Variants in LRRC1 observed in about 807,000 individuals in gnomAD.
LRRC1 encodes leucine-rich repeat-containing protein 1.
LRRC1 carries 28 observed loss-of-function variants against 69.9 expected under a neutral mutation model. The observed-to-expected ratio is 0.40, with a 90% CI of 0.30 to 0.55. The LOEUF (loss-of-function observed/expected upper bound fraction) is 0.55. LRRC1 is among the 20% of genes least tolerant of loss of function. The probability of loss-of-function intolerance (pLI) is 0.47; values close to 1 mark genes in which losing one functional copy is unlikely to be tolerated. For missense variants in LRRC1, 498 were observed against 609.0 expected (o/e 0.82, Z 1.92); for synonymous variants, 236 against 240.2 (o/e 0.98, Z 0.16).
At chr6:53,833,026 A>G (rs905016162) in intron 1 of LRRC1, among the ~76,000 whole-genome samples, 1 of 151,848 alleles carries the variant, frequency 6.6e-6, no homozygotes, top group African/African-American at 2.4e-5. Flanking sequence ...TCATTCCCCT[A>G]TTGTTAGTTT....
intron 1 of LRRC1, among the ~76,000 whole-genome samples, chr6:53,827,018 C>T (rs1158074450): frequency 1.3e-5 from 2 of 152,126 alleles, no homozygotes; most frequent in Non-Finnish European, 2.9e-5. Context: ...CCACTGTTTC[C>T]AAAACCTGGC....
intron 1 of LRRC1, among the ~76,000 whole-genome samples, chr6:53,825,028 C>T (rs1223805612): frequency 6.6e-6 from 1 of 152,196 alleles, no homozygotes; most frequent in Non-Finnish European, 1.5e-5. Flanking sequence ...ACTACATATT[C>T]AAAGGACATT....
Position 53,923,745 on chromosome 6 carries a change from A to AC in LRRC1, c.*953dup, listed in dbSNP as rs1470519803. 4 of 152,668 alleles carry AC rather than the reference A, an allele frequency of 2.6e-5. No individual in the cohort carries two copies. The highest frequency in any genetic ancestry group is 9.6e-5 in the African/African-American group (4 of 41,454). The allele number at this position is 152,668 out of a possible 1,614,324, so 9.5% of individuals were successfully genotyped here. A position where few individuals can be genotyped will look rare whatever the true frequency, so the allele number is the denominator to read the frequency against. ...ACACAAAAAGAGAACACTGGTTCAGACATTCAGTGGGCAAGTAAATTATGG... is the reference window on the plus strand; with the variant it reads ...ACACAAAAAGAGAACACTGGTTCAGACCATTCAGTGGGCAAGTAAATTATGG... On this transcript the variant is annotated 3_prime_UTR_variant, in exon 14 of 14. Coordinates refer to ENST00000370888, the MANE Select transcript of LRRC1 (RefSeq NM_018214.5).
At chr6:53,864,274 T>C (rs1028134720) in intron 2 of LRRC1, among the ~76,000 whole-genome samples, 5 of 152,088 alleles carry the variant, frequency 3.3e-5, no homozygotes, top group African/African-American at 1.2e-4. Context: ...TAACAGCAGG[T>C]TCACTTCCCG....
intron 4 of LRRC1, among the ~76,000 whole-genome samples, chr6:53,889,155 A>T (rs935226957): frequency 6.6e-6 from 1 of 152,204 alleles, no homozygotes; most frequent in Non-Finnish European, 1.5e-5. Flanking sequence ...CCACAATGAG[A>T]TGCTACTTTA....
chr6:53,921,262 C>G (rs1217311772), intron 13 of LRRC1, among the ~76,000 whole-genome samples: 1 of 152,200 alleles, frequency 6.6e-6, no homozygotes, highest in Non-Finnish European at 1.5e-5. Context: ...GCCACTGTGC[C>G]CGGCCTGTTA....
intron 2 of LRRC1, among the ~76,000 whole-genome samples, chr6:53,845,233 C>T (rs1765906458): frequency 1.3e-5 from 2 of 152,090 alleles, no homozygotes; most frequent in Admixed American, 1.3e-4. Context: ...CGAATCTGTG[C>T]AGGTGACAGA....
intron 13 of LRRC1, 132 bp downstream of exon 13, chr6:53,920,893 A>G: frequency 1.0e-6 from 1 of 984,734 alleles, no homozygotes; most frequent in Non-Finnish European, 1.5e-6. Flanking sequence ...GAATTTTTTT[A>G]GAAGACAAAG....
intron 2 of LRRC1, among the ~76,000 whole-genome samples, chr6:53,874,663 C>T (rs1767008301): frequency 6.6e-6 from 1 of 152,156 alleles, no homozygotes; most frequent in African/African-American, 2.4e-5. Flanking sequence ...TTTTCCCTAT[C>T]ACCCACAATT....
rs540598326 is a variant in LRRC1 at position 53,878,106 on chromosome 6, C to T, written c.278-887C>T. Among the ~76,000 whole-genome samples the T allele has an allele frequency of 3.3e-5, 5 of 152,218 alleles. No homozygotes were observed. The East Asian group carries it at 9.7e-4, about 29-fold the overall frequency. The stretch of plus-strand genomic sequence containing the variant: ...AAGAGAGCTTGTGCAGGAAAACTCC[C>T]CCTTATAATAACCATCAGGTCTCGT... On this transcript the variant is annotated intron_variant, in intron 2 of 13. Transcript: ENST00000370888.
intron 1 of LRRC1, among the ~76,000 whole-genome samples, chr6:53,840,166 AG>A (rs1242775697): frequency 7.9e-5 from 12 of 152,216 alleles, no homozygotes; most frequent in Admixed American, 2.0e-4. Flanking sequence ...GTCCTGAGAA[AG>A]GTGCAAGGAA....
At chr6:53,878,448 G>A (rs759318176) in intron 2 of LRRC1, among the ~76,000 whole-genome samples, 3 of 152,228 alleles carry the variant, frequency 2.0e-5, no homozygotes, top group Non-Finnish European at 4.4e-5. Context: ...AGTCCCATCT[G>A]GGGGTGATGG....
chr6:53,923,661 G>A lies in LRRC1; in HGVS notation c.*868G>A, dbSNP rs1437500738. ...ATAAGTCTCTCATAATGAGTGCAGT[G>A]TCAGACTGTGCCTACTCTGATGGTA... is the stretch of plus-strand genomic sequence containing the variant. On this transcript the variant is annotated 3_prime_UTR_variant, in exon 14 of 14. Coordinates refer to ENST00000370888, the MANE Select transcript of LRRC1 (RefSeq NM_018214.5). 6.6e-6 allele frequency: 1 copy of A among 152,540 alleles called. No individual in the cohort carries two copies. The highest frequency in any genetic ancestry group is 1.5e-5 in the Non-Finnish European group (1 of 68,030). The allele number at this position is 152,540 out of a possible 1,614,324, so 9.4% of individuals were successfully genotyped here.
chr6:53,829,413 T>G (rs1765367998), intron 1 of LRRC1, among the ~76,000 whole-genome samples: 1 of 152,308 alleles, frequency 6.6e-6, no homozygotes, highest in South Asian at 2.1e-4. Context: ...GTTTTTGAAA[T>G]TAGACTTTGA....
chr6:53,848,205 G>T (rs1239626180), intron 2 of LRRC1, among the ~76,000 whole-genome samples: 1 of 152,196 alleles, frequency 6.6e-6, no homozygotes, highest in African/African-American at 2.4e-5. Context: ...CCCAAAGCTT[G>T]CATTCTTGCT....
intron 2 of LRRC1, among the ~76,000 whole-genome samples, chr6:53,858,106 G>A (rs969930874): frequency 2.0e-5 from 3 of 152,152 alleles, no homozygotes; most frequent in Admixed American, 2.0e-4. Context: ...CTGGAGTCTG[G>A]TCGTTGGCCA....
intron 1 of LRRC1, among the ~76,000 whole-genome samples, chr6:53,840,170 G>A (rs538198320): frequency 5.9e-5 from 9 of 152,270 alleles, no homozygotes; most frequent in Admixed American, 3.3e-4. Context: ...TGAGAAAGGT[G>A]CAAGGAAACT....
At chr6:53,909,126 C>G (rs1768331730) in intron 10 of LRRC1, among the ~76,000 whole-genome samples, 1 of 150,736 alleles carries the variant, frequency 6.6e-6, no homozygotes, top group Non-Finnish European at 1.5e-5. Context: ...TACATGGGAG[C>G]AGGCACCATA....
chr6:53,807,747 TCAACAACAACAACAA>T (rs60487267), intron 1 of LRRC1, among the ~76,000 whole-genome samples: 4 of 150,442 alleles, frequency 2.7e-5, no homozygotes, highest in African/African-American at 4.9e-5. Flanking sequence ...CTCCGTGTCG[TCAACAACAACAACAA>T]CAACAACAAC....
Sources: gnomAD v4.1 joint callset for allele counts (sites outside exome capture counted in the v4.1 genomes callset) on GRCh38, gnomAD v4.1.1 for gene constraint, MANE v1.5 for transcripts, NCBI Gene and HGNC (gene_info 2026-07-23, HGNC 2026-07-21) for gene names.